RB1: variants seen among roughly 807,000 people sequenced by gnomAD.
The protein encoded by RB1 is retinoblastoma-associated protein.
Under a neutral mutation model 135.4 loss-of-function variants are expected in RB1, and 18 were observed. That is an observed-to-expected ratio of 0.13 (90% CI 0.09 to 0.20). The LOEUF (loss-of-function observed/expected upper bound fraction) is 0.20. RB1 is among the 10% of genes least tolerant of loss of function. The pLI is 1.00. For missense variants in RB1, 868 were observed against 1,110.0 expected (o/e 0.78, Z 3.10); for synonymous variants, 365 against 373.2 (o/e 0.98, Z 0.25).
chr13:48,331,828 G>T (rs946890395), intron 2 of RB1, among the ~76,000 whole-genome samples: 2 of 152,170 alleles, frequency 1.3e-5, no homozygotes, highest in African/African-American at 4.8e-5. Flanking sequence ...CAGTCGCAAA[G>T]ATATGGAAAC....
chr13:48,376,440 C>T (rs2138135362), intron 12 of RB1, among the ~76,000 whole-genome samples: 1 of 144,956 alleles, frequency 6.9e-6, no homozygotes, highest in South Asian at 2.2e-4. Context: ...GCGGAGGTTG[C>T]AGTAAGCCGA....
At chr13:48,316,888 C>G in intron 2 of RB1, 1 of 335,126 alleles carries the variant, frequency 3.0e-6, no homozygotes, top group Non-Finnish European at 5.9e-6. Context: ...CCGCCACTGT[C>G]CTCCGTGCGC....
At chr13:48,455,982 G>A (rs1367639000) in intron 18 of RB1, among the ~76,000 whole-genome samples, 1 of 151,872 alleles carries the variant, frequency 6.6e-6, no homozygotes, top group Non-Finnish European at 1.5e-5. Flanking sequence ...TTTCTAATAA[G>A]GCAGTAATCC....
chr13:48,351,433 G>T (rs560054747), intron 6 of RB1, among the ~76,000 whole-genome samples: 3 of 151,466 alleles, frequency 2.0e-5, no homozygotes, highest in Non-Finnish European at 4.4e-5. Flanking sequence ...AGTGGGGTTG[G>T]TTTTTTTTCT....
chr13:48,320,041 G>C (rs961239140), intron 2 of RB1: 1 of 489,410 alleles, frequency 2.0e-6, no homozygotes, highest in East Asian at 4.6e-5. Flanking sequence ...TGCCAGCCCC[G>C]GGCTGTGCGG....
chr13:48,410,751 C>CAT (rs1337973693), intron 17 of RB1, among the ~76,000 whole-genome samples: 1 of 152,034 alleles, frequency 6.6e-6, no homozygotes, highest in African/African-American at 2.4e-5. Context: ...CAAAGCATAC[C>CAT]ATATAGATAG....
chr13:48,314,755 C>T (rs560278568), intron 2 of RB1, among the ~76,000 whole-genome samples: 104 of 150,524 alleles, frequency 6.9e-4, no homozygotes, highest in Admixed American at 3.0e-3. Context: ...GAGCCGAAGT[C>T]GTGCCACTGC....
intron 6 of RB1, among the ~76,000 whole-genome samples, chr13:48,357,017 AT>A (rs539704227): frequency 0.01 from 1,537 of 149,674 alleles, 36 homozygotes; most frequent in African/African-American, 0.035. Flanking sequence ...TTCCTGAAGA[AT>A]TTTTTTTTTA....
intron 6 of RB1, among the ~76,000 whole-genome samples, chr13:48,350,721 C>G (rs1952540146): frequency 6.6e-6 from 1 of 152,152 alleles, no homozygotes; most frequent in Admixed American, 6.5e-5. Context: ...CTGTTCCTCT[C>G]CCTCTTCCCA....
intron 2 of RB1, chr13:48,328,680 A>G: frequency 4.2e-6 from 2 of 474,704 alleles, no homozygotes; most frequent in South Asian, 2.2e-5. Context: ...CTCCACCCCC[A>G]GCTCCCAGCA....
intron 18 of RB1, among the ~76,000 whole-genome samples, chr13:48,453,808 A>G (rs951032346): frequency 3.3e-5 from 5 of 152,244 alleles, no homozygotes; most frequent in African/African-American, 1.2e-4. Context: ...GGAATCGTCA[A>G]TTATCTATCC....
intron 12 of RB1, among the ~76,000 whole-genome samples, chr13:48,376,106 A>C (rs1032934923): frequency 1.3e-5 from 2 of 152,158 alleles, no homozygotes; most frequent in African/African-American, 4.8e-5. Context: ...CAAATGATAC[A>C]TGTATTGGAA....
intron 2 of RB1, among the ~76,000 whole-genome samples, chr13:48,327,676 C>G (rs1952299704): frequency 6.6e-6 from 1 of 152,146 alleles, no homozygotes; most frequent in South Asian, 2.1e-4. Flanking sequence ...TAAGGCTATT[C>G]CTGGGAGCCA....
intron 18 of RB1, among the ~76,000 whole-genome samples, chr13:48,454,199 T>A (rs1012431952): frequency 7.9e-5 from 12 of 152,232 alleles, no homozygotes; most frequent in African/African-American, 2.9e-4. Flanking sequence ...ACCCAAGCTA[T>A]CTAATCCCAA....
intron 2 of RB1, chr13:48,316,830 G>A (rs1458023383): frequency 3.2e-5 from 9 of 278,744 alleles, no homozygotes; most frequent in Non-Finnish European, 5.9e-5. Context: ...CACGCAAACC[G>A]GGACGCAAAC....
intron 2 of RB1, among the ~76,000 whole-genome samples, chr13:48,320,687 C>T (rs905154708): frequency 1.1e-4 from 16 of 151,954 alleles, no homozygotes; most frequent in African/African-American, 3.1e-4. Flanking sequence ...AAAAATTAGC[C>T]GGGCGTGGTG....
In RB1 at chr13:48,464,985, T is replaced by C. The variant is rs2138344431; in HGVS notation, c.2212-13T>C. On this transcript the variant is annotated splice_polypyrimidine_tract_variant and intron_variant, in intron 21 of 26. Coordinates refer to ENST00000267163, the MANE Select transcript of RB1 (RefSeq NM_000321.3). Reference sequence around the variant, plus strand: ...TTTTTTTTTTTTTTTTTTTTTTTACTGTTCTTCCTCAGACATTCAAACGTG... The same window carrying C: ...TTTTTTTTTTTTTTTTTTTTTTTACCGTTCTTCCTCAGACATTCAAACGTG... 3.3e-6 allele frequency: 4 copies of C among 1,213,674 alleles called. No homozygotes were observed. Among genetic ancestry groups the C allele is most frequent in the Non-Finnish European group, 4.6e-6 (4 of 865,948 alleles). 75.2% of individuals were successfully genotyped at this position (1,213,674 alleles called of 1,614,324 possible).
chr13:48,391,312 A>G (rs1380638216), intron 17 of RB1: 1 of 152,178 alleles, frequency 6.6e-6, no homozygotes, highest in Non-Finnish European at 1.5e-5. Context: ...TCTACAATAC[A>G]CTCATAACTT....
chr13:48,332,052 T>C (rs568723332), intron 2 of RB1, among the ~76,000 whole-genome samples: 25 of 152,274 alleles, frequency 1.6e-4, no homozygotes, highest in African/African-American at 6.0e-4. Flanking sequence ...TATTCAGCCT[T>C]AAAAAAGGTA....
Sources: gnomAD v4.1 joint callset for allele counts (sites outside exome capture counted in the v4.1 genomes callset) on GRCh38, gnomAD v4.1.1 for gene constraint, MANE v1.5 for transcripts, NCBI Gene and HGNC (gene_info 2026-07-23, HGNC 2026-07-21) for gene names.